The following GSE1 variants were observed in gnomAD, a reference collection of about 807,000 sequenced individuals.
GSE1 encodes the protein Gse1 coiled-coil protein.
GSE1 carries 32 observed loss-of-function variants against 112.6 expected under a neutral mutation model. The ratio of observed to expected loss-of-function variants is 0.28; its 90% confidence interval spans 0.21 to 0.38. The LOEUF is 0.38. GSE1 is among the 10% of genes least tolerant of loss of function. GSE1 has a pLI of 1.00. For synonymous variants in GSE1, 1,115 were observed against 735.6 expected (o/e 1.52, Z -8.35); for missense variants, 2,348 against 1,699.2 (o/e 1.38, Z -6.71).
At chr16:85,234,855 G>T (rs553049663) in intron 1 of GSE1, among the ~76,000 whole-genome samples, 3 of 152,300 alleles carry the variant, frequency 2.0e-5, no homozygotes, top group South Asian at 2.1e-4. Context: ...CCAGCTGGGG[G>T]ATTAGAAGGC....
intron 1 of GSE1, among the ~76,000 whole-genome samples, chr16:85,186,250 G>C (rs779915302): frequency 6.6e-5 from 10 of 152,172 alleles, no homozygotes; most frequent in Non-Finnish European, 1.5e-4. Flanking sequence ...CAGGAGAATT[G>C]CTTGAGCCCA....
chr16:85,505,744 T>G (rs1410226123), intron 2 of GSE1, among the ~76,000 whole-genome samples: 1 of 152,068 alleles, frequency 6.6e-6, no homozygotes, highest in East Asian at 1.9e-4. Context: ...GTAGGCCGGG[T>G]GCGGTAACTC....
chr16:85,672,089 C>T (rs532053773), intron 15 of GSE1: 3 of 307,798 alleles, frequency 9.7e-6, no homozygotes, highest in East Asian at 9.0e-5. Flanking sequence ...ACCTCCGCCT[C>T]CTGGGTTCAA....
intron 1 of GSE1, among the ~76,000 whole-genome samples, chr16:85,271,041 T>G (rs1341052025): frequency 6.6e-6 from 1 of 152,140 alleles, no homozygotes; most frequent in Admixed American, 6.5e-5. Flanking sequence ...CCCAAAAGGA[T>G]CTCTTTTTCT....
At chr16:85,548,891 G>C (rs1459338232) in intron 2 of GSE1, among the ~76,000 whole-genome samples, 1 of 152,210 alleles carries the variant, frequency 6.6e-6, no homozygotes, top group African/African-American at 2.4e-5. Flanking sequence ...CTGGGTTCAA[G>C]TGATTCTCCT....
At chr16:85,660,923 C>T (rs2151955999) in intron 8 of GSE1, among the ~76,000 whole-genome samples, 1 of 152,270 alleles carries the variant, frequency 6.6e-6, no homozygotes, top group East Asian at 2.0e-4. Flanking sequence ...AGCCACTGCG[C>T]CCGGCCGAGT....
intron 1 of GSE1, chr16:85,306,408 C>T (rs1218271495): frequency 6.5e-6 from 1 of 153,302 alleles, no homozygotes; most frequent in African/African-American, 2.4e-5. Flanking sequence ...GGGGCGTGGT[C>T]ACATGGTCGT....
At chr16:85,369,804 T>C (rs930495085) in intron 2 of GSE1, among the ~76,000 whole-genome samples, 3 of 152,168 alleles carry the variant, frequency 2.0e-5, no homozygotes, top group African/African-American at 4.8e-5. Flanking sequence ...TGCTCACAAT[T>C]AGTCATTTAT....
At chr16:85,435,104 G>C (rs1009904790) in intron 2 of GSE1, among the ~76,000 whole-genome samples, 1 of 152,168 alleles carries the variant, frequency 6.6e-6, no homozygotes, top group African/African-American at 2.4e-5. Flanking sequence ...TTGCACTGGG[G>C]TCCCTCCAGC....
At chr16:85,277,586 C>T (rs539700741) in intron 1 of GSE1, among the ~76,000 whole-genome samples, 204 of 152,298 alleles carry the variant, frequency 1.3e-3, no homozygotes, top group African/African-American at 4.5e-3. Flanking sequence ...GAAGCCCTCC[C>T]GCCTACCCAC....
At chr16:85,386,657 C>T (rs1350424857) in intron 2 of GSE1, among the ~76,000 whole-genome samples, 2 of 152,324 alleles carry the variant, frequency 1.3e-5, no homozygotes, top group South Asian at 2.1e-4. Context: ...TTTTGTGACC[C>T]GAGTGTTCAG....
intron 1 of GSE1, among the ~76,000 whole-genome samples, chr16:85,353,957 G>A (rs531559446): frequency 3.2e-4 from 49 of 152,346 alleles, no homozygotes; most frequent in African/African-American, 1.1e-3. Flanking sequence ...CTCCGTGTCT[G>A]TTGAACAATC....
chr16:85,174,291 T>C (rs1378525613), intron 1 of GSE1, among the ~76,000 whole-genome samples: 1 of 152,176 alleles, frequency 6.6e-6, no homozygotes, highest in Non-Finnish European at 1.5e-5. Context: ...TAACAATTTC[T>C]TGAAAGAAAG....
At chr16:85,515,534 G>A (rs1441172775) in intron 2 of GSE1, among the ~76,000 whole-genome samples, 1 of 152,166 alleles carries the variant, frequency 6.6e-6, no homozygotes, top group African/African-American at 2.4e-5. Context: ...AAGGGCCAGA[G>A]GCTGGTCTTA....
chr16:85,359,232 C>T (rs916216414), intron 2 of GSE1: 11 of 367,228 alleles, frequency 3.0e-5, no homozygotes, highest in South Asian at 6.0e-5. Flanking sequence ...TAGGGCAGGC[C>T]GGGTGCCCCT....
intron 12 of GSE1, 24 bp downstream of exon 12, chr16:85,665,152 G>GC: frequency 2.1e-6 from 3 of 1,408,644 alleles, no homozygotes; most frequent in Non-Finnish European, 3.0e-6. Flanking sequence ...AGCCCCACCT[G>GC]CCACCACCCA....
intron 1 of GSE1, among the ~76,000 whole-genome samples, chr16:85,211,460 C>T (rs760880615): frequency 4.6e-5 from 7 of 152,352 alleles, no homozygotes; most frequent in African/African-American, 1.7e-4. Context: ...TCCTGTCCCA[C>T]TCTGCCACTG....
chr16:85,613,472 C>T, intron 1 of GSE1, 74 bp downstream of exon 1: 1 of 1,337,170 alleles, frequency 7.5e-7, no homozygotes, highest in Non-Finnish European at 1.0e-6. Context: ...TGCAAGTTCG[C>T]GGGTTTCGCG....
At position 85,668,247 on chromosome 16, in the gene GSE1, A is replaced by C; in HGVS notation, c.3238A>C (p.Asn1080His). The C allele has an allele frequency of 1.2e-6, 2 of 1,611,486 alleles. No individual in the cohort carries two copies. Among genetic ancestry groups the C allele is most frequent in the Non-Finnish European group, 1.7e-6 (2 of 1,177,708 alleles). ...SSSRAPPPQH[N>H]GQQEPPTARK... ...CAGCCGCGCCCCTCCACCCCAGCAC[A>C]ATGGGCAGCAGGAGCCCCCCACTGC... Residue 1080 changes from asparagine to histidine, a missense_variant, in exon 14 of 16, where the codon AAT becomes CAT. Asn to His is a moderately conservative substitution (Grantham distance 68). Coordinates refer to ENST00000253458, the MANE Select transcript of GSE1 (RefSeq NM_014615.5).
Sources: gnomAD v4.1 joint callset for allele counts (sites outside exome capture counted in the v4.1 genomes callset) on GRCh38, gnomAD v4.1.1 for gene constraint, MANE v1.5 for transcripts, NCBI Gene and HGNC (gene_info 2026-07-23, HGNC 2026-07-21) for gene names.